ART3: variants seen among roughly 807,000 people sequenced by gnomAD.
ART3 encodes the protein ADP-ribosyltransferase 3 (inactive), also known as ecto-ADP-ribosyltransferase 3.
A neutral mutation model predicts 48.5 loss-of-function variants in ART3; 49 were observed. The observed-to-expected ratio is 1.01, with a 90% CI of 0.80 to 1.28. ART3 has a LOEUF of 1.28. Among genes scored for constraint, ART3 ranks in the 50% most tolerant of loss-of-function variants. ART3 has a pLI of 0.00. For synonymous variants in ART3, 145 were observed against 157.2 expected (o/e 0.92, Z 0.58); for missense variants, 438 against 454.3 (o/e 0.96, Z 0.33).
intron 1 of ART3, among the ~76,000 whole-genome samples, chr4:76,051,519 TG>T (rs1419555188): frequency 1.3e-5 from 2 of 152,200 alleles, no homozygotes; most frequent in African/African-American, 4.8e-5. Flanking sequence ...TTAATGCCAT[TG>T]AAAAGAGTTC....
At chr4:76,044,952 A>C (rs1735355192) in intron 1 of ART3, among the ~76,000 whole-genome samples, 1 of 151,992 alleles carries the variant, frequency 6.6e-6, no homozygotes, top group Non-Finnish European at 1.5e-5. Context: ...CATTCTTTCC[A>C]TATTGCAGCA....
chr4:76,096,122 C>T (rs186528036), intron 3 of ART3, among the ~76,000 whole-genome samples: 9 of 152,238 alleles, frequency 5.9e-5, no homozygotes, highest in Admixed American at 2.6e-4. Flanking sequence ...GGGGTTTCAC[C>T]ATGTTGGCCA....
intron 1 of ART3, chr4:76,034,942 A>G: frequency 2.2e-6 from 3 of 1,361,630 alleles, no homozygotes; most frequent in Non-Finnish European, 3.1e-6. Context: ...TATTTCACAC[A>G]GGATCATAGC....
At chr4:76,056,707 T>C (rs1442463545) in intron 1 of ART3, among the ~76,000 whole-genome samples, 1 of 152,154 alleles carries the variant, frequency 6.6e-6, no homozygotes, top group East Asian at 1.9e-4. Context: ...AGATTTAGAA[T>C]ACCTTTCTCC....
chr4:76,046,703 A>G (rs557389828), intron 1 of ART3, among the ~76,000 whole-genome samples: 6 of 152,076 alleles, frequency 3.9e-5, no homozygotes, highest in Non-Finnish European at 8.8e-5. Context: ...ATTCATGTAG[A>G]TAATAGCTCC....
chr4:76,101,543 G>A (rs1727318894), intron 8 of ART3, among the ~76,000 whole-genome samples: 1 of 152,116 alleles, frequency 6.6e-6, no homozygotes, highest in Non-Finnish European at 1.5e-5. Context: ...CAAAGTGGGC[G>A]GATCACGAGA....
chr4:76,077,089 A>G (rs1366706555), intron 2 of ART3, among the ~76,000 whole-genome samples: 1 of 152,162 alleles, frequency 6.6e-6, no homozygotes, highest in Non-Finnish European at 1.5e-5. Flanking sequence ...GTTTCAGTAT[A>G]TTCATTATGT....
chr4:76,076,225 C>T (rs374479389), intron 2 of ART3, among the ~76,000 whole-genome samples: 24 of 151,992 alleles, frequency 1.6e-4, no homozygotes, highest in Non-Finnish European at 2.9e-4. Flanking sequence ...AGGATGGTCT[C>T]GATCTCCTGA....
In ART3 at chr4:76,062,718, GC is replaced by G. The variant is rs1316125104; in HGVS notation, c.-9-13161del. On this transcript the variant is annotated intron_variant, in intron 1 of 9. Coordinates refer to the ART3 transcript ENST00000341029. ...TGGGACTACAGGTGCCTGCCACCAT[GC>G]CTGGCTAATTTTTTGTATTTTTAGT... is the stretch of plus-strand genomic sequence containing the variant. Among the ~76,000 whole-genome samples the G allele has an allele frequency of 5.3e-5, 8 of 152,068 alleles. No individual in the cohort carries two copies. The East Asian group carries it at 1.5e-3, about 29-fold the overall frequency.
rs1735015165 is a variant in ART3 at position 76,041,962 on chromosome 4, T to C, written c.-10+30642T>C. On this transcript the variant is annotated intron_variant, in intron 1 of 9. Coordinates refer to the ART3 transcript ENST00000341029. Reference sequence around the variant, plus strand: ...AAAAAGATCAGATACATTCTCTGTGTTCTTAGCAGTGTTGGCCTTTTTTAT... The same window carrying C: ...AAAAAGATCAGATACATTCTCTGTGCTCTTAGCAGTGTTGGCCTTTTTTAT... Among the ~76,000 whole-genome samples, 3 of 152,230 alleles carry C rather than the reference T, an allele frequency of 2.0e-5. No homozygotes were observed. The South Asian group carries it at 6.2e-4, about 31-fold the overall frequency.
At chr4:76,075,100 A>G (rs10030471) in intron 1 of ART3, among the ~76,000 whole-genome samples, 31,409 of 152,146 alleles carry the variant, frequency 0.21, 5,527 homozygotes, top group African/African-American at 0.48. Context: ...TGTGCTGTTC[A>G]TTCTCATTTT....
chr4:76,042,813 C>CTTTT (rs1171648001), intron 1 of ART3, among the ~76,000 whole-genome samples: 1 of 152,074 alleles, frequency 6.6e-6, no homozygotes, highest in Non-Finnish European at 1.5e-5. Flanking sequence ...AACAAAGCTT[C>CTTTT]CACAGTGTGG....
intron 1 of ART3, chr4:76,023,365 C>T (rs1733064970): frequency 8.1e-6 from 13 of 1,606,336 alleles, no homozygotes; most frequent in East Asian, 4.5e-5. Context: ...CTTTGATGTT[C>T]CTTACCTTGA....
chr4:76,048,116 T>C (rs549561088), intron 1 of ART3, among the ~76,000 whole-genome samples: 1 of 151,904 alleles, frequency 6.6e-6, no homozygotes, highest in Non-Finnish European at 1.5e-5. Flanking sequence ...TTATCACTAA[T>C]AGGAAGGGGA....
upstream of ART3, among the ~76,000 whole-genome samples, chr4:76,073,648 C>A (rs1347511984): frequency 2.0e-5 from 3 of 152,088 alleles, no homozygotes; most frequent in African/African-American, 7.2e-5. Context: ...AATTGGCATC[C>A]ATAGCAAAAA....
At chr4:76,048,906 C>G (rs4532264) in intron 1 of ART3, among the ~76,000 whole-genome samples, 89,606 of 151,542 alleles carry the variant, frequency 0.59, 27,638 homozygotes, top group East Asian at 0.94. Flanking sequence ...CTATAAAGAT[C>G]TTATGCCCCA....
chr4:76,066,580 T>C (rs1189333064), intron 1 of ART3, among the ~76,000 whole-genome samples: 1 of 152,078 alleles, frequency 6.6e-6, no homozygotes, highest in Admixed American at 6.5e-5. Context: ...TCTCTGCTGC[T>C]GGTCATCCCA....
intron 3 of ART3, among the ~76,000 whole-genome samples, chr4:76,085,289 A>C (rs1723314895): frequency 1.3e-5 from 2 of 152,204 alleles, no homozygotes; most frequent in African/African-American, 4.8e-5. Context: ...GATCTTGACT[A>C]AATGTAGCCA....
At chr4:76,074,276 T>C (rs1183001924), upstream of ART3, among the ~76,000 whole-genome samples, 1 of 152,194 alleles carries the variant, frequency 6.6e-6, no homozygotes, top group Non-Finnish European at 1.5e-5. Flanking sequence ...TTTTAGTACT[T>C]TGTTTTACTT....
Sources: gnomAD v4.1 joint callset for allele counts (sites outside exome capture counted in the v4.1 genomes callset) on GRCh38, gnomAD v4.1.1 for gene constraint, MANE v1.5 for transcripts, NCBI Gene and HGNC (gene_info 2026-07-23, HGNC 2026-07-21) for gene names.